Variants in ALMS1 observed in about 807,000 individuals in gnomAD.
ALMS1 encodes the protein ALMS1 centrosome and basal body associated protein.
ALMS1 carries 271 observed loss-of-function variants against 352.2 expected under a neutral mutation model. The observed-to-expected ratio is 0.77, with a 90% CI of 0.70 to 0.85. The LOEUF (loss-of-function observed/expected upper bound fraction) is 0.85. Among genes scored for constraint, ALMS1 ranks in the 40% least tolerant of loss-of-function variants. The pLI, the probability that ALMS1 is intolerant of heterozygous loss-of-function variation, is 0.00. For missense variants in ALMS1, 5,445 were observed against 4,870.7 expected (o/e 1.12, Z -3.51); for synonymous variants, 1,865 against 1,761.2 (o/e 1.06, Z -1.48).
intron 10 of ALMS1, among the ~76,000 whole-genome samples, chr2:73,518,156 C>T (rs1387205585): frequency 1.3e-5 from 2 of 151,666 alleles, no homozygotes; most frequent in Non-Finnish European, 2.9e-5. Flanking sequence ...TCTGTTGTTC[C>T]CCTCTTTGTG....
At chr2:73,537,908 A>G (rs1323514167) in intron 12 of ALMS1, among the ~76,000 whole-genome samples, 1 of 152,178 alleles carries the variant, frequency 6.6e-6, no homozygotes, top group Non-Finnish European at 1.5e-5. Flanking sequence ...CGGAAGGCTG[A>G]GGCATGAGTA....
At chr2:73,521,400 G>A (rs1673671730) in intron 11 of ALMS1, among the ~76,000 whole-genome samples, 1 of 151,986 alleles carries the variant, frequency 6.6e-6, no homozygotes, top group African/African-American at 2.4e-5. Context: ...AGCTATCCTA[G>A]AGTGTGGTGT....
At chr2:73,483,327 T>G (rs1435113215) in intron 9 of ALMS1, among the ~76,000 whole-genome samples, 1 of 151,652 alleles carries the variant, frequency 6.6e-6, no homozygotes, top group Admixed American at 6.6e-5. Flanking sequence ...CATTTCGTTA[T>G]GTACCCAGTA....
chr2:73,582,118 A>G (rs1178960781), intron 16 of ALMS1, among the ~76,000 whole-genome samples: 3 of 152,052 alleles, frequency 2.0e-5, no homozygotes, highest in African/African-American at 7.2e-5. Flanking sequence ...CATTTGCACT[A>G]TTGCTCTTTG....
intron 9 of ALMS1, among the ~76,000 whole-genome samples, chr2:73,481,388 G>C (rs1294469378): frequency 1.3e-5 from 2 of 152,120 alleles, no homozygotes; most frequent in Non-Finnish European, 2.9e-5. Context: ...GATAGTTGTA[G>C]ATATGCTGCA....
chr2:73,502,689 A>G (rs1673241512), intron 10 of ALMS1, among the ~76,000 whole-genome samples: 1 of 152,066 alleles, frequency 6.6e-6, no homozygotes, highest in Non-Finnish European at 1.5e-5. Flanking sequence ...TGATGTAGTG[A>G]ATTACATTGG....
At position 73,490,178 on chromosome 2, in the gene ALMS1, G is replaced by T. The variant is rs1238547007; in HGVS notation, c.8219G>T (p.Ser2740Ile). Reference protein sequence around the residue: ...SVVKVGVTEGSQCTGASVGVF... With the variant: ...SVVKVGVTEGIQCTGASVGVF... The stretch of plus-strand genomic sequence containing the variant: ...GTTAAGGTTGGTGTTACTGAAGGTA[G>T]CCAGTGTACTGGAGCATCTGTGGGG... The change falls in exon 10 of 23, where the codon AGC becomes ATC. Residue 2740 changes from serine to isoleucine, a missense_variant. Coordinates refer to ENST00000613296, the MANE Select transcript of ALMS1 (RefSeq NM_001378454.1). 6.2e-7 allele frequency: 1 copy of T among 1,614,184 alleles called. No homozygotes were observed. The highest frequency in any genetic ancestry group is 1.1e-5 in the South Asian group (1 of 91,084).
intron 12 of ALMS1, among the ~76,000 whole-genome samples, chr2:73,538,273 C>T (rs981886488): frequency 6.6e-5 from 10 of 152,110 alleles, no homozygotes; most frequent in South Asian, 4.1e-4. Flanking sequence ...CCAAGGAAGA[C>T]GTGCAAATAG....
Position 73,563,221 on chromosome 2 carries a change from A to C in ALMS1, c.10384+4079A>C, listed in dbSNP as rs1024997579. ...CAAAAAGAAAACTTAGAGATGTATC[A>C]AAAAGAAATTTGGGGACATTAATAT... On this transcript the variant is annotated intron_variant, in intron 15 of 22. Transcript: ENST00000613296. Among the ~76,000 whole-genome samples, 3 of 152,176 alleles carry C rather than the reference A, an allele frequency of 2.0e-5. No individual in the cohort carries two copies. In the East Asian group the frequency reaches 5.8e-4, roughly 29 times the overall value.
chr2:73,594,832 G>A (rs542686885), intron 16 of ALMS1, among the ~76,000 whole-genome samples: 1 of 152,150 alleles, frequency 6.6e-6, no homozygotes, highest in African/African-American at 2.4e-5. Flanking sequence ...TTCCACATGG[G>A]CTGTGGTATC....
At position 73,562,777 on chromosome 2, in the gene ALMS1, C is replaced by A. The variant is rs374112989; in HGVS notation, c.10384+3635C>A. Among the ~76,000 whole-genome samples, 21 of 152,032 alleles carry A rather than the reference C, an allele frequency of 1.4e-4. No individual in the cohort carries two copies. In the East Asian group the frequency reaches 3.3e-3, roughly 24 times the overall value. On this transcript the variant is annotated intron_variant, in intron 15 of 22. Coordinates refer to ENST00000613296, the MANE Select transcript of ALMS1 (RefSeq NM_001378454.1). ...TGGTGCATGCCTGTAATCCCAGCTA[C>A]TCAGAAGGCTGAGGCAGGAGAAGCG...
At chr2:73,489,559 G>C in intron 9 of ALMS1, 75 bp from the exon 10 acceptor site, 1 of 1,557,224 alleles carries the variant, frequency 6.4e-7, no homozygotes. Context: ...GTATAAAACT[G>C]ATTTGTATAA....
chr2:73,598,412 A>G (rs1675597689), intron 16 of ALMS1, among the ~76,000 whole-genome samples: 1 of 152,184 alleles, frequency 6.6e-6, no homozygotes, highest in Non-Finnish European at 1.5e-5. Flanking sequence ...ACATGTCATC[A>G]GTGTTCAGCC....
At chr2:73,580,709 C>T (rs1675158900) in intron 16 of ALMS1, among the ~76,000 whole-genome samples, 2 of 152,134 alleles carry the variant, frequency 1.3e-5, no homozygotes, top group Non-Finnish European at 2.9e-5. Context: ...TTTTCCTCCC[C>T]TTCTCTAGGG....
intron 15 of ALMS1, among the ~76,000 whole-genome samples, chr2:73,568,687 T>G (rs1674853100): frequency 6.6e-6 from 1 of 152,212 alleles, no homozygotes; most frequent in Non-Finnish European, 1.5e-5. Flanking sequence ...ATATTAAATT[T>G]GTCTGCATTA....
At chr2:73,456,483 C>A (rs893822491) in intron 9 of ALMS1, among the ~76,000 whole-genome samples, 13 of 152,080 alleles carry the variant, frequency 8.5e-5, no homozygotes, top group African/African-American at 2.9e-4. Context: ...TGAGATAATG[C>A]CTATAAAATG....
intron 10 of ALMS1, among the ~76,000 whole-genome samples, chr2:73,510,505 C>T (rs919236190): frequency 2.6e-5 from 4 of 152,212 alleles, no homozygotes; most frequent in Non-Finnish European, 5.9e-5. Flanking sequence ...TACTGGGGGT[C>T]CACTCCAGAC....
At chr2:73,558,946 A>T in intron 14 of ALMS1, 26 bp from the exon 15 acceptor site, 2 of 1,613,030 alleles carry the variant, frequency 1.2e-6, no homozygotes, top group Non-Finnish European at 1.7e-6. Context: ...TCCTGTCTGT[A>T]TAGTGTGTTA....
chr2:73,528,835 A>G (rs1673849266), intron 11 of ALMS1, among the ~76,000 whole-genome samples: 1 of 151,882 alleles, frequency 6.6e-6, no homozygotes, highest in African/African-American at 2.4e-5. Flanking sequence ...TGTATTTTCA[A>G]ATAGCCTGTC....
Sources: gnomAD v4.1 joint callset for allele counts (sites outside exome capture counted in the v4.1 genomes callset) on GRCh38, gnomAD v4.1.1 for gene constraint, MANE v1.5 for transcripts, NCBI Gene and HGNC (gene_info 2026-07-23, HGNC 2026-07-21) for gene names.